ANTXRL: variants seen among roughly 807,000 people sequenced by gnomAD.
ANTXRL encodes the protein ANTXR like, also known as anthrax toxin receptor-like.
ANTXRL carries 63 observed loss-of-function variants against 75.4 expected under a neutral mutation model. That is an observed-to-expected ratio of 0.84 (90% CI 0.68 to 1.03). The LOEUF (loss-of-function observed/expected upper bound fraction) is 1.03. Among genes scored for constraint, ANTXRL ranks in the 50% least tolerant of loss-of-function variants. The pLI is 0.00. For synonymous variants in ANTXRL, 335 were observed against 291.3 expected (o/e 1.15, Z -1.53); for missense variants, 797 against 789.4 (o/e 1.01, Z -0.12).
chr10:46,297,360 C>T (rs1405366381), intron 6 of ANTXRL, 32 bp downstream of exon 6: 1 of 1,536,058 alleles, frequency 6.5e-7, no homozygotes, highest in South Asian at 1.2e-5. Context: ...CAGCATTTTG[C>T]TCCATGTATT....
At position 46,311,642 on chromosome 10, in the gene ANTXRL, G is replaced by A. The variant is rs781861531; in HGVS notation, c.1306G>A (p.Val436Met). Residue 436 changes from valine (V) to methionine (M), a missense_variant, in exon 15 of 17, where the codon GTG becomes ATG. This residue lies in a region of ANTXRL where 479 missense variants were observed against 422.0 expected (regional missense o/e 1.14). Coordinates refer to ENST00000620264, the MANE Select transcript of ANTXRL (RefSeq NM_001278688.3). ...VIICCCGCQG[V>M]GGMRRIEGNL... The stretch of plus-strand genomic sequence containing the variant: ...TATTTGTTGCTGTGGATGCCAAGGA[G>A]TGGGCGGGATGAGAAGGATAGAGGT... 50 of 1,201,200 alleles carry A rather than the reference G, an allele frequency of 4.2e-5. 1 individual carries two copies. In the Middle Eastern group the frequency reaches 1.1e-3, roughly 27 times the overall value. 74.4% of individuals were successfully genotyped at this position (1,201,200 alleles called of 1,614,324 possible).
At chr10:46,293,615 G>A (rs1431030812) in intron 2 of ANTXRL, among the ~76,000 whole-genome samples, 3 of 151,908 alleles carry the variant, frequency 2.0e-5, no homozygotes, top group African/African-American at 7.3e-5. Flanking sequence ...TTGGGAGTGT[G>A]GGGATGCAGT....
chr10:46,293,300 G>T (rs1265812683), intron 2 of ANTXRL, among the ~76,000 whole-genome samples: 1 of 43,722 alleles, frequency 2.3e-5, no homozygotes, highest in Non-Finnish European at 6.4e-5. Context: ...GTGTGTGCCT[G>T]TGTGTGTGTG....
chr10:46,305,999 C>T (rs138136030), intron 10 of ANTXRL, among the ~76,000 whole-genome samples: 1 of 152,144 alleles, frequency 6.6e-6, no homozygotes, highest in Non-Finnish European at 1.5e-5. Context: ...TGGACAGATT[C>T]ACTGCACAAG....
intron 16 of ANTXRL, among the ~76,000 whole-genome samples, chr10:46,327,874 G>A (rs1839302942): frequency 6.6e-6 from 1 of 152,120 alleles, no homozygotes; most frequent in Non-Finnish European, 1.5e-5. Context: ...CCCACGCCAG[G>A]GAAACCACAA....
intron 16 of ANTXRL, among the ~76,000 whole-genome samples, chr10:46,314,167 G>A (rs1838592361): frequency 6.6e-6 from 1 of 152,190 alleles, no homozygotes; most frequent in African/African-American, 2.4e-5. Context: ...GGCCTTGCAG[G>A]CTGCAAGCCT....
At chr10:46,310,418 C>G in intron 13 of ANTXRL, 43 bp from the exon 14 acceptor site, 1 of 1,531,466 alleles carries the variant, frequency 6.5e-7, no homozygotes, top group Non-Finnish European at 8.8e-7. Context: ...CAGAGCCCGC[C>G]CACCCCCATC....
Position 46,313,290 on chromosome 10 carries a change from T to C in ANTXRL, c.1384T>C (p.Trp462Arg), listed in dbSNP as rs1554964000. The C allele has an allele frequency of 2.6e-6, 4 of 1,535,870 alleles. No individual in the cohort carries two copies. In the South Asian group the frequency reaches 3.6e-5, roughly 14 times the overall value. The change falls in exon 16 of 17, where the codon TGG becomes CGG. Residue 462 changes from tryptophan (W) to arginine (R), a missense_variant. Around this residue, in one of 3 missense-constraint regions of ANTXRL, gnomAD observed 479 missense variants for 422.0 expected, o/e 1.14. Transcript: ENST00000620264. ...TCACGCAAGCTGCCACCAGGTGCCATGGATGTGTTGTCAGAGCAGGGACCA... is the reference window on the plus strand; with the variant it reads ...TCACGCAAGCTGCCACCAGGTGCCACGGATGTGTTGTCAGAGCAGGGACCA... ...LSHASCHQVP[W>R]MCCQSRDQGR... is the part of the protein sequence containing the mutation.
Position 46,305,984 on chromosome 10 carries a change from C to A in ANTXRL, c.896-819C>A, listed in dbSNP as rs534378999. ...GTGCAAAATACATCCTGGATCTGCCCAACCTGGACAGATTCACTGCACAAG... is the reference window on the plus strand; with the variant it reads ...GTGCAAAATACATCCTGGATCTGCCAAACCTGGACAGATTCACTGCACAAG... On this transcript the variant is annotated intron_variant, in intron 10 of 16. Transcript: ENST00000620264. 2.2e-4 allele frequency among the ~76,000 whole-genome samples: 33 copies of A among 152,256 alleles called. No homozygotes were observed. The East Asian group carries it at 5.8e-3, about 27-fold the overall frequency.
intron 3 of ANTXRL, 33 bp downstream of exon 3, chr10:46,293,933 T>C: frequency 3.3e-6 from 5 of 1,530,352 alleles, no homozygotes; most frequent in Non-Finnish European, 4.4e-6. Flanking sequence ...AAGGGAGGCC[T>C]GATGAGCTTG....
intron 16 of ANTXRL, among the ~76,000 whole-genome samples, chr10:46,316,350 A>C (rs1310328865): frequency 6.6e-6 from 1 of 152,050 alleles, no homozygotes; most frequent in African/African-American, 2.4e-5. Flanking sequence ...ACAAACTAAT[A>C]TATGCCATAA....
chr10:46,309,528 T>C (rs1383823562), intron 13 of ANTXRL, among the ~76,000 whole-genome samples: 2 of 152,166 alleles, frequency 1.3e-5, no homozygotes, highest in East Asian at 3.9e-4. Context: ...AATCCAGACT[T>C]CTGGAAGCCT....
rs1245329444 is a variant in ANTXRL at position 46,293,329 on chromosome 10, AGT to A, written c.321-494_321-493del. ...GTGTGTGCGTGTGTGCCTGTGTGTGAGTGTGTGCGTGTGTGCGTGCATGTGTG... is the reference window on the plus strand; with the variant it reads ...GTGTGTGCGTGTGTGCCTGTGTGTGAGTGTGCGTGTGTGCGTGCATGTGTG... On this transcript the variant is annotated intron_variant, in intron 2 of 16. Coordinates refer to ENST00000620264, the MANE Select transcript of ANTXRL (RefSeq NM_001278688.3). 9.0e-3 allele frequency among the ~76,000 whole-genome samples: 633 copies of A among 70,516 alleles called. 5 individuals are homozygous for A. Among genetic ancestry groups the A allele is most frequent in the African/African-American group, 0.034 (574 of 16,888 alleles). 46.3% of individuals were successfully genotyped at this position (70,516 alleles called of 152,430 possible).
chr10:46,303,911 T>A (rs7920911), intron 10 of ANTXRL, among the ~76,000 whole-genome samples: 40,006 of 151,378 alleles, frequency 0.26, 4,586 homozygotes, highest in East Asian at 0.39. Context: ...TGATCTGATG[T>A]TAGTATGTTC....
intron 16 of ANTXRL, among the ~76,000 whole-genome samples, chr10:46,324,746 G>A (rs1440209660): frequency 6.6e-6 from 1 of 152,084 alleles, no homozygotes; most frequent in African/African-American, 2.4e-5. Context: ...TTATGGGCCT[G>A]AGTTTTGATC....
intron 16 of ANTXRL, among the ~76,000 whole-genome samples, chr10:46,323,374 A>G (rs575435319): frequency 6.6e-6 from 1 of 152,312 alleles, no homozygotes; most frequent in East Asian, 1.9e-4. Flanking sequence ...CACTTACACA[A>G]TTGTGGTCAT....
chr10:46,306,723 C>T (rs1838111806), intron 10 of ANTXRL, 80 bp from the exon 11 acceptor site: 6 of 1,290,090 alleles, frequency 4.7e-6, no homozygotes, highest in Non-Finnish European at 6.3e-6. Context: ...AGGGTCAGCC[C>T]TGCATGCTGA....
At chr10:46,286,731 C>T (rs1425642878), upstream of ANTXRL, among the ~76,000 whole-genome samples, 2 of 152,176 alleles carry the variant, frequency 1.3e-5, no homozygotes, top group African/African-American at 4.8e-5. Flanking sequence ...AAATAACCTC[C>T]CATTGCCAAC....
At chr10:46,319,647 AT>A (rs1838889623) in intron 16 of ANTXRL, among the ~76,000 whole-genome samples, 1 of 152,274 alleles carries the variant, frequency 6.6e-6, no homozygotes, top group Non-Finnish European at 1.5e-5. Context: ...TTGTAGAGGC[AT>A]TCATCTTTGT....
Sources: gnomAD v4.1 joint callset for allele counts (sites outside exome capture counted in the v4.1 genomes callset) on GRCh38, gnomAD v4.1.1 for gene constraint, gnomAD v4.1.1 regional missense constraint, MANE v1.5 for transcripts, NCBI Gene and HGNC (gene_info 2026-07-23, HGNC 2026-07-21) for gene names.